SYNPR: variants seen among roughly 807,000 people sequenced by gnomAD.
SYNPR encodes the protein synaptoporin.
A neutral mutation model predicts 32.9 loss-of-function variants in SYNPR; 23 were observed. The ratio of observed to expected loss-of-function variants is 0.70; its 90% confidence interval spans 0.50 to 0.99. The LOEUF (loss-of-function observed/expected upper bound fraction) is 0.99. Among genes scored for constraint, SYNPR ranks in the 50% least tolerant of loss-of-function variants. The probability of loss-of-function intolerance (pLI) is 0.00; values close to 1 mark genes in which losing one functional copy is unlikely to be tolerated. For missense variants in SYNPR, 318 were observed against 349.3 expected, an observed-to-expected ratio of 0.91 and a Z score of 0.71; for synonymous variants, 146 against 135.9, an observed-to-expected ratio of 1.07 and a Z score of -0.52.
intron 3 of SYNPR, among the ~76,000 whole-genome samples, chr3:63,269,624 A>G (rs779713443): frequency 2.4e-4 from 37 of 152,242 alleles, no homozygotes; most frequent in Non-Finnish European, 4.3e-4. Context: ...ATATTTGCTC[A>G]TAGAAACACT....
intron 2 of SYNPR, among the ~76,000 whole-genome samples, chr3:63,388,093 C>T (rs1575619941): frequency 6.6e-6 from 1 of 151,956 alleles, no homozygotes; most frequent in Non-Finnish European, 1.5e-5. Context: ...CCAGCTGGGG[C>T]GAGGGGCCTG....
intron 2 of SYNPR, among the ~76,000 whole-genome samples, chr3:63,446,751 C>CAAA (rs1435116060): frequency 1.2e-4 from 19 of 152,092 alleles, no homozygotes; most frequent in African/African-American, 4.3e-4. Flanking sequence ...AACAAACAAA[C>CAAA]AAACCGCTAA....
chr3:63,255,971 G>A (rs2086378894), intron 2 of SYNPR, among the ~76,000 whole-genome samples: 1 of 152,198 alleles, frequency 6.6e-6, no homozygotes, highest in Admixed American at 6.5e-5. Flanking sequence ...CTCACTCATT[G>A]CTAGCACAGC....
At chr3:63,291,753 C>T (rs2086740995) in intron 2 of SYNPR, among the ~76,000 whole-genome samples, 1 of 152,078 alleles carries the variant, frequency 6.6e-6, no homozygotes, top group Non-Finnish European at 1.5e-5. Flanking sequence ...TAAACTCCAG[C>T]TATTCTGGGG....
chr3:63,225,653 A>G (rs1283096079), upstream of SYNPR, among the ~76,000 whole-genome samples: 1 of 152,216 alleles, frequency 6.6e-6, no homozygotes, highest in Non-Finnish European at 1.5e-5. Context: ...AACCAACTCA[A>G]GATGGATTAA....
intron 2 of SYNPR, among the ~76,000 whole-genome samples, chr3:63,404,022 C>G (rs1474339404): frequency 6.6e-6 from 1 of 152,130 alleles, no homozygotes; most frequent in Non-Finnish European, 1.5e-5. Context: ...GTTAGCTGCC[C>G]TACCTCCAAC....
At chr3:63,311,977 C>A (rs1209485888) in intron 2 of SYNPR, among the ~76,000 whole-genome samples, 1 of 151,956 alleles carries the variant, frequency 6.6e-6, no homozygotes, top group East Asian at 1.9e-4. Flanking sequence ...CTGAGCCTCA[C>A]TTTCTTCATC....
chr3:63,263,277 G>T (rs892342950), intron 2 of SYNPR, among the ~76,000 whole-genome samples: 1 of 152,200 alleles, frequency 6.6e-6, no homozygotes, highest in African/African-American at 2.4e-5. Flanking sequence ...TGGACCACCA[G>T]TTGGTCATCT....
At chr3:63,458,205 GC>G (rs1461054334) in intron 2 of SYNPR, among the ~76,000 whole-genome samples, 1 of 152,044 alleles carries the variant, frequency 6.6e-6, no homozygotes, top group Non-Finnish European at 1.5e-5. Context: ...ACTCTTCTCT[GC>G]TTCACTATCT....
At chr3:63,511,137 CATGGACCCTGAGTACTGGGAAT>C (rs1701691675) in intron 3 of SYNPR, among the ~76,000 whole-genome samples, 1 of 59,046 alleles carries the variant, frequency 1.7e-5, no homozygotes, top group Non-Finnish European at 4.4e-5. Flanking sequence ...TATTGGGAAT[CATGGACCCTGAGTACTGGGAAT>C]CATGGGCCTA....
At chr3:63,252,564 A>G (rs1396505198) in exon 2 of SYNPR, 6 of 152,210 alleles carry the variant, frequency 3.9e-5, no homozygotes, top group South Asian at 2.1e-4. Flanking sequence ...AAGCGTGGAC[A>G]TGCAACTTCT....
the SYNPR span, among the ~76,000 whole-genome samples, chr3:63,210,023 A>AT: frequency 4.1e-3 from 613 of 149,860 alleles, 4 homozygotes; most frequent in Middle Eastern, 0.017. Flanking sequence ...ATTAGCTAAA[A>AT]TTTTTTTTTT....
chr3:63,285,605 C>T (rs1029906434), intron 2 of SYNPR, among the ~76,000 whole-genome samples: 1 of 152,174 alleles, frequency 6.6e-6, no homozygotes, highest in Admixed American at 6.5e-5. Context: ...AACAAACAAG[C>T]AGCTCCTCAG....
At chr3:63,285,883 G>A (rs2086675522) in intron 2 of SYNPR, among the ~76,000 whole-genome samples, 1 of 152,164 alleles carries the variant, frequency 6.6e-6, no homozygotes, top group South Asian at 2.1e-4. Context: ...AAGGTACCTT[G>A]CTTAGTACCT....
rs374651885 is a variant in SYNPR at position 63,609,214 on chromosome 3, G to A, written c.498G>A (p.Thr166=). 16 of 1,609,640 alleles carry A rather than the reference G, an allele frequency of 9.9e-6. No homozygotes were observed. The East Asian group carries it at 1.3e-4, about 13-fold the overall frequency. ...AKGLSDVKVA[T]DPKEVLLLMS... Reference sequence around the variant, plus strand: ...GACTGTCTGACGTCAAAGTTGCAACGGATCCCAAGGAAGTATTGCTACTAA... The same window carrying A: ...GACTGTCTGACGTCAAAGTTGCAACAGATCCCAAGGAAGTATTGCTACTAA... The change falls in exon 5 of 6, where the codon ACG becomes ACA. Residue 166 remains threonine (T), a synonymous_variant. Transcript: ENST00000478300.
At chr3:63,543,054 A>G in intron 3 of SYNPR, among the ~76,000 whole-genome samples, 1 of 152,112 alleles carries the variant, frequency 6.6e-6, no homozygotes, top group Non-Finnish European at 1.5e-5. Flanking sequence ...AGAAATCATA[A>G]CTAATAAATT....
intron 2 of SYNPR, among the ~76,000 whole-genome samples, chr3:63,297,680 A>G (rs905150114): frequency 1.3e-5 from 2 of 152,268 alleles, no homozygotes; most frequent in African/African-American, 4.8e-5. Flanking sequence ...GTTATCTTTA[A>G]GTAGTACCTC....
chr3:63,336,763 A>T (rs1055619964), intron 2 of SYNPR, among the ~76,000 whole-genome samples: 3 of 152,148 alleles, frequency 2.0e-5, no homozygotes, highest in Admixed American at 6.5e-5. Context: ...TTTCATTAAA[A>T]TTAAAAACTT....
chr3:63,282,743 T>C (rs896160081), intron 2 of SYNPR, among the ~76,000 whole-genome samples: 4 of 150,956 alleles, frequency 2.6e-5, no homozygotes, highest in African/African-American at 9.7e-5. Context: ...CAGGTAAATA[T>C]ATCATTGTAT....
Sources: gnomAD v4.1 joint callset for allele counts (sites outside exome capture counted in the v4.1 genomes callset) on GRCh38, gnomAD v4.1.1 for gene constraint, MANE v1.5 for transcripts, NCBI Gene and HGNC (gene_info 2026-07-23, HGNC 2026-07-21) for gene names.